The following WDFY2 variants were observed in gnomAD, a reference collection of about 807,000 sequenced individuals.
The protein encoded by WDFY2 is WD repeat and FYVE domain-containing protein 2.
Under a neutral mutation model 56.4 loss-of-function variants are expected in WDFY2, and 36 were observed. That is an observed-to-expected ratio of 0.64 (90% confidence interval 0.49 to 0.84). The LOEUF is 0.84. Ranked by LOEUF, WDFY2 falls within the 40% of genes least tolerant of loss-of-function variation. The probability of loss-of-function intolerance (pLI) is 0.00; values close to 1 mark genes in which losing one functional copy is unlikely to be tolerated. For missense variants in WDFY2, 444 were observed against 512.2 expected (o/e 0.87, Z 1.29); for synonymous variants, 176 against 183.7 (o/e 0.96, Z 0.34).
At chr13:51,667,714 G>A (rs1394403051) in intron 2 of WDFY2, among the ~76,000 whole-genome samples, 1 of 151,894 alleles carries the variant, frequency 6.6e-6, no homozygotes, top group Non-Finnish European at 1.5e-5. Context: ...TGGGTTCCTG[G>A]TTGTGAAATG....
intron 4 of WDFY2, among the ~76,000 whole-genome samples, chr13:51,709,839 C>T (rs1338150227): frequency 6.6e-6 from 1 of 152,104 alleles, no homozygotes; most frequent in Non-Finnish European, 1.5e-5. Context: ...GATTCACAGC[C>T]GAATTCTACC....
chr13:51,695,077 A>AT (rs1951837016), intron 3 of WDFY2, among the ~76,000 whole-genome samples: 1 of 152,112 alleles, frequency 6.6e-6, no homozygotes, highest in African/African-American at 2.4e-5. Context: ...CTAGTTATAC[A>AT]TTCGTCTAAA....
chr13:51,746,962 A>G (rs1371833866), intron 7 of WDFY2, among the ~76,000 whole-genome samples: 1 of 152,274 alleles, frequency 6.6e-6, no homozygotes, highest in Non-Finnish European at 1.5e-5. Flanking sequence ...CCAGAAATCC[A>G]AGGAAATCCT....
intron 1 of WDFY2, among the ~76,000 whole-genome samples, chr13:51,614,841 C>T (rs1410804725): frequency 1.3e-5 from 2 of 152,142 alleles, no homozygotes; most frequent in Non-Finnish European, 2.9e-5. Flanking sequence ...TCTGTTGTCT[C>T]TAAACTAATG....
intron 2 of WDFY2, among the ~76,000 whole-genome samples, chr13:51,660,920 G>A (rs1002930842): frequency 6.6e-6 from 1 of 152,160 alleles, no homozygotes; most frequent in African/African-American, 2.4e-5. Context: ...TCTGATTACA[G>A]CAGTCTCCCT....
chr13:51,677,390 A>G (rs1433049101), intron 3 of WDFY2, among the ~76,000 whole-genome samples: 1 of 152,222 alleles, frequency 6.6e-6, no homozygotes, highest in Non-Finnish European at 1.5e-5. Flanking sequence ...TTGAGAGAAC[A>G]GCATGTTTAA....
At chr13:51,683,256 A>G (rs1181311251) in intron 3 of WDFY2, among the ~76,000 whole-genome samples, 1 of 152,232 alleles carries the variant, frequency 6.6e-6, no homozygotes, top group Non-Finnish European at 1.5e-5. Context: ...TTTGGATTTG[A>G]TAGACCAATG....
intron 1 of WDFY2, among the ~76,000 whole-genome samples, chr13:51,621,064 C>G (rs1954716557): frequency 6.6e-6 from 1 of 152,206 alleles, no homozygotes; most frequent in Non-Finnish European, 1.5e-5. Flanking sequence ...TAAATTTTCT[C>G]TGAATAAAGC....
intron 3 of WDFY2, among the ~76,000 whole-genome samples, chr13:51,702,475 C>T (rs1016530824): frequency 5.3e-5 from 8 of 152,050 alleles, no homozygotes; most frequent in Non-Finnish European, 1.2e-4. Flanking sequence ...GAAGAAAATT[C>T]ATTTGTAGAT....
At chr13:51,701,338 T>C (rs181298085) in intron 3 of WDFY2, among the ~76,000 whole-genome samples, 24 of 151,986 alleles carry the variant, frequency 1.6e-4, no homozygotes, top group Admixed American at 7.2e-4. Context: ...CTGACCAACA[T>C]GGTGAAACCC....
At chr13:51,685,451 G>A (rs1956044715) in intron 3 of WDFY2, among the ~76,000 whole-genome samples, 1 of 152,170 alleles carries the variant, frequency 6.6e-6, no homozygotes, top group African/African-American at 2.4e-5. Context: ...TTGACTGGAA[G>A]CCTTACTGAT....
At chr13:51,674,237 A>G (rs1019297020) in intron 2 of WDFY2, among the ~76,000 whole-genome samples, 5 of 152,240 alleles carry the variant, frequency 3.3e-5, no homozygotes, top group African/African-American at 1.2e-4. Context: ...CATGATCTAC[A>G]TGGCTTCTGT....
At chr13:51,661,712 A>T (rs1290104875) in intron 2 of WDFY2, among the ~76,000 whole-genome samples, 2 of 152,238 alleles carry the variant, frequency 1.3e-5, no homozygotes, top group Admixed American at 6.5e-5. Flanking sequence ...GAGGCTTTGC[A>T]TGTCTTTAGA....
rs553968555 is a variant in WDFY2 at position 51,753,748 on chromosome 13, G to GGTGTGTGT, written c.832-1601_832-1594dup. ...TGAACACGCATGCTTCCTTATAAAA[G>GGTGTGTGT]GTGTGTGTGTGTGTGTATGTGTGTC... On this transcript the variant is annotated intron_variant, in intron 8 of 11. Coordinates refer to ENST00000298125, the MANE Select transcript of WDFY2 (RefSeq NM_052950.4). 3.5e-3 allele frequency among the ~76,000 whole-genome samples: 535 copies of GGTGTGTGT among 151,156 alleles called. 4 individuals are homozygous for GGTGTGTGT. The highest frequency in any genetic ancestry group is 0.012 in the African/African-American group (503 of 41,250).
chr13:51,721,133 G>C (rs183298119), intron 5 of WDFY2, among the ~76,000 whole-genome samples: 81 of 152,124 alleles, frequency 5.3e-4, no homozygotes, highest in Middle Eastern at 6.8e-3. Context: ...TACTTTTTTA[G>C]AATTCAGTCT....
intron 1 of WDFY2, among the ~76,000 whole-genome samples, chr13:51,641,314 C>T (rs1434596282): frequency 6.6e-6 from 1 of 152,028 alleles, no homozygotes; most frequent in East Asian, 2.0e-4. Context: ...TCGTGATCAC[C>T]CACCTTGGCC....
At chr13:51,701,834 G>T (rs758280269) in intron 3 of WDFY2, among the ~76,000 whole-genome samples, 3 of 152,104 alleles carry the variant, frequency 2.0e-5, no homozygotes, top group Admixed American at 6.5e-5. Flanking sequence ...GATAACAATT[G>T]TCTTCAATAA....
chr13:51,740,585 G>A (rs545022470), intron 7 of WDFY2, among the ~76,000 whole-genome samples: 8 of 152,064 alleles, frequency 5.3e-5, no homozygotes, highest in South Asian at 4.2e-4. Flanking sequence ...ATAGTGGCGC[G>A]TGCCTGTAAT....
intron 4 of WDFY2, 97 bp downstream of exon 4, chr13:51,703,747 G>T: frequency 1.9e-6 from 2 of 1,064,554 alleles, no homozygotes. Context: ...CAATCATCAG[G>T]GAAACAAAAC....
Sources: gnomAD v4.1 joint callset for allele counts (sites outside exome capture counted in the v4.1 genomes callset) on GRCh38, gnomAD v4.1.1 for gene constraint, MANE v1.5 for transcripts, NCBI Gene and HGNC (gene_info 2026-07-23, HGNC 2026-07-21) for gene names.